Variants in ASTN2 observed in about 807,000 individuals in gnomAD.
ASTN2 encodes the protein astrotactin 2.
ASTN2 carries 54 observed loss-of-function variants against 139.8 expected under a neutral mutation model. The observed-to-expected ratio is 0.39, with a 90% CI of 0.31 to 0.48. ASTN2 has a LOEUF of 0.48. ASTN2 is among the 20% of genes least tolerant of loss of function. The pLI is 0.95. For synonymous variants in ASTN2, 756 were observed against 719.5 expected, an observed-to-expected ratio of 1.05 and a Z score of -0.81; for missense variants, 1,565 against 1,725.1, an observed-to-expected ratio of 0.91 and a Z score of 1.64.
intron 3 of ASTN2, among the ~76,000 whole-genome samples, chr9:117,152,915 T>A (rs957682649): frequency 5.9e-5 from 9 of 152,164 alleles, no homozygotes; most frequent in Admixed American, 4.6e-4. Flanking sequence ...GTTTACTACA[T>A]GACAGTTATT....
chr9:117,309,509 C>A (rs1383341733), intron 1 of ASTN2, among the ~76,000 whole-genome samples: 1 of 152,184 alleles, frequency 6.6e-6, no homozygotes, highest in Non-Finnish European at 1.5e-5. Flanking sequence ...ACTCTTCACC[C>A]TGATATTGCT....
chr9:116,608,513 C>A (rs961773963), intron 19 of ASTN2, among the ~76,000 whole-genome samples: 3 of 151,974 alleles, frequency 2.0e-5, no homozygotes, highest in African/African-American at 7.3e-5. Flanking sequence ...AAAGCAAGAT[C>A]TAAAGGAATC....
chr9:117,205,600 C>T (rs536342316), intron 3 of ASTN2, among the ~76,000 whole-genome samples: 6 of 152,178 alleles, frequency 3.9e-5, no homozygotes, highest in East Asian at 1.9e-4. Context: ...AAAAGCCCCC[C>T]GACTTTTTCT....
intron 19 of ASTN2, among the ~76,000 whole-genome samples, chr9:116,512,385 G>A (rs1220718523): frequency 6.6e-6 from 1 of 152,142 alleles, no homozygotes; most frequent in East Asian, 1.9e-4. Context: ...TTTAATTTCT[G>A]TTCTTTTACA....
At chr9:116,916,779 C>A (rs897971430) in intron 10 of ASTN2, among the ~76,000 whole-genome samples, 13 of 152,232 alleles carry the variant, frequency 8.5e-5, no homozygotes, top group African/African-American at 1.7e-4. Context: ...TCGCAGTGAG[C>A]CAAGATTGTG....
chr9:116,702,855 C>G (rs1358666170), intron 16 of ASTN2, among the ~76,000 whole-genome samples: 1 of 152,144 alleles, frequency 6.6e-6, no homozygotes, highest in Non-Finnish European at 1.5e-5. Context: ...AGTGTACACT[C>G]CGGACTTGAG....
At chr9:116,975,716 G>A (rs1836324755) in intron 9 of ASTN2, among the ~76,000 whole-genome samples, 1 of 152,162 alleles carries the variant, frequency 6.6e-6, no homozygotes, top group South Asian at 2.1e-4. Flanking sequence ...CACGGACTTT[G>A]AATCAGTTTG....
At chr9:116,585,542 A>T (rs1488111072) in intron 19 of ASTN2, 3 of 152,240 alleles carry the variant, frequency 2.0e-5, no homozygotes, top group Non-Finnish European at 4.4e-5. Context: ...GTCTTCTACA[A>T]AGTTGACAAA....
chr9:116,850,220 G>T (rs1449099432), intron 11 of ASTN2, among the ~76,000 whole-genome samples: 2 of 152,180 alleles, frequency 1.3e-5, no homozygotes, highest in Non-Finnish European at 2.9e-5. Context: ...TATTCCCAAG[G>T]CCTCCCCAGT....
intron 1 of ASTN2, among the ~76,000 whole-genome samples, chr9:117,306,284 C>A (rs1219355611): frequency 6.6e-6 from 1 of 152,156 alleles, no homozygotes; most frequent in South Asian, 2.1e-4. Context: ...AGCTTTTGGG[C>A]ATAATTTTCC....
intron 19 of ASTN2, among the ~76,000 whole-genome samples, chr9:116,513,834 A>T (rs1161288946): frequency 6.6e-6 from 1 of 151,998 alleles, no homozygotes; most frequent in Non-Finnish European, 1.5e-5. Flanking sequence ...TTATCGTGCC[A>T]TGGTTTTCAG....
At position 116,823,742 on chromosome 9, in the gene ASTN2, C is replaced by T. The variant is rs114045313; in HGVS notation, c.2041-2959G>A. On this transcript the variant is annotated intron_variant, in intron 11 of 22. Transcript: ENST00000313400. The stretch of plus-strand genomic sequence containing the variant: ...GATCAGAAAGGTGAGGGTACTTGAC[C>T]AACATCACACAGCAAATTAAAGGCA... Among the ~76,000 whole-genome samples, 1,312 of 152,194 alleles carry T rather than the reference C, an allele frequency of 8.6e-3. 30 individuals are homozygous for T. Among genetic ancestry groups the T allele is most frequent in the African/African-American group, 0.03 (1,245 of 41,518 alleles).
chr9:117,008,987 C>T (rs1837437808), intron 6 of ASTN2, among the ~76,000 whole-genome samples: 1 of 152,074 alleles, frequency 6.6e-6, no homozygotes. Context: ...AAAAGAGCAG[C>T]ACTCACCCAA....
Position 116,530,094 on chromosome 9 carries a change from GATATATATATATATATATATATATATAT to G in ASTN2, c.3356-42622_3356-42595del, listed in dbSNP as rs3984942. 5.7e-3 allele frequency among the ~76,000 whole-genome samples: 293 copies of G among 51,076 alleles called. 6 individuals are homozygous for G. The highest frequency in any genetic ancestry group is 0.015 in the South Asian group (13 of 864). The allele number at this position is 51,076 out of a possible 152,430, so 33.5% of individuals were successfully genotyped here. ...ATCAGTGGATGAATGGATAAAGTGTGATATATATATATATATATATATATATATATATATATATATATATATATATATA... is the reference window on the plus strand; with the variant it reads ...ATCAGTGGATGAATGGATAAAGTGTGATATATATATATATATATATATATA... On this transcript the variant is annotated intron_variant, in intron 19 of 22. Transcript: ENST00000313400.
intron 21 of ASTN2, among the ~76,000 whole-genome samples, chr9:116,441,457 G>T (rs1847837357): frequency 6.6e-6 from 1 of 151,404 alleles, no homozygotes; most frequent in African/African-American, 2.4e-5. Flanking sequence ...AAAATGGGAG[G>T]AACACTATGC....
chr9:117,017,760 T>C (rs950489730), intron 6 of ASTN2, among the ~76,000 whole-genome samples: 1 of 152,160 alleles, frequency 6.6e-6, no homozygotes, highest in African/African-American at 2.4e-5. Context: ...TGTCTGTATA[T>C]ACAATACATA....
chr9:117,348,896 AAAAAG>A (rs1352900060), intron 1 of ASTN2, among the ~76,000 whole-genome samples: 12 of 130,364 alleles, frequency 9.2e-5, no homozygotes, highest in Admixed American at 2.2e-4. Context: ...AAAAAAAAAA[AAAAAG>A]TGTGTGTAGC....
At chr9:117,158,438 C>T (rs62564662) in intron 3 of ASTN2, among the ~76,000 whole-genome samples, 22,423 of 152,004 alleles carry the variant, frequency 0.15, 1,927 homozygotes, top group East Asian at 0.41. Flanking sequence ...AACTATATCC[C>T]GATATATCCA....
intron 6 of ASTN2, among the ~76,000 whole-genome samples, chr9:117,024,974 C>G (rs1285200196): frequency 2.0e-5 from 3 of 152,052 alleles, no homozygotes; most frequent in Non-Finnish European, 4.4e-5. Context: ...TTCCTGCCAC[C>G]ATGTAAGATG....
Sources: gnomAD v4.1 joint callset for allele counts (sites outside exome capture counted in the v4.1 genomes callset) on GRCh38, gnomAD v4.1.1 for gene constraint, MANE v1.5 for transcripts, NCBI Gene and HGNC (gene_info 2026-07-23, HGNC 2026-07-21) for gene names.